Variants in EYA4 observed in about 807,000 individuals in gnomAD.
EYA4 encodes the protein protein phosphatase EYA4.
EYA4 carries 31 observed loss-of-function variants against 87.9 expected under a neutral mutation model. The ratio of observed to expected loss-of-function variants is 0.35; its 90% CI spans 0.27 to 0.48. The LOEUF (loss-of-function observed/expected upper bound fraction) is 0.48, where lower values mean the gene tolerates loss of function less well. Ranked by LOEUF, EYA4 falls within the 20% of genes least tolerant of loss-of-function variation. EYA4 has a pLI of 0.99. For missense variants in EYA4, 678 were observed against 761.4 expected (o/e 0.89, Z 1.29); for synonymous variants, 263 against 270.6 (o/e 0.97, Z 0.28).
At chr6:133,488,387 A>G (rs901782125) in intron 13 of EYA4, among the ~76,000 whole-genome samples, 1 of 152,152 alleles carries the variant, frequency 6.6e-6, no homozygotes, top group African/African-American at 2.4e-5. Context: ...TGCTGATTGT[A>G]GAGCCTTGAG....
chr6:133,329,806 G>T (rs1482286940), intron 2 of EYA4, among the ~76,000 whole-genome samples: 1 of 152,006 alleles, frequency 6.6e-6, no homozygotes, highest in Non-Finnish European at 1.5e-5. Context: ...AAATTGGCAT[G>T]GTACAAATCA....
At chr6:133,388,339 G>A (rs1185669194) in intron 3 of EYA4, among the ~76,000 whole-genome samples, 4 of 151,578 alleles carry the variant, frequency 2.6e-5, no homozygotes, top group African/African-American at 7.3e-5. Flanking sequence ...CCTGGGGGGC[G>A]GAGGTTGCAG....
chr6:133,425,643 T>C (rs1268394713), intron 3 of EYA4, among the ~76,000 whole-genome samples: 1 of 150,816 alleles, frequency 6.6e-6, no homozygotes, highest in Non-Finnish European at 1.5e-5. Flanking sequence ...TTCCAAGTTC[T>C]GGTTATTCTG....
intron 2 of EYA4, among the ~76,000 whole-genome samples, chr6:133,320,434 C>T (rs1442184596): frequency 6.6e-6 from 1 of 151,580 alleles, no homozygotes; most frequent in East Asian, 1.9e-4. Context: ...ATGCAATGTA[C>T]TTACTTATTT....
intron 13 of EYA4, among the ~76,000 whole-genome samples, chr6:133,499,790 A>T (rs556785004): frequency 1.3e-5 from 2 of 151,816 alleles, no homozygotes; most frequent in Non-Finnish European, 2.9e-5. Flanking sequence ...CTCATAAGCA[A>T]CTCTAGAGAA....
intron 1 of EYA4, among the ~76,000 whole-genome samples, chr6:133,243,623 G>A (rs117434049): frequency 0.014 from 2,122 of 149,094 alleles, 23 homozygotes; most frequent in Middle Eastern, 0.025. Context: ...TCCTTTCCCG[G>A]GTACGGTTTG....
At chr6:133,293,529 T>C (rs1778660445) in intron 2 of EYA4, among the ~76,000 whole-genome samples, 1 of 152,190 alleles carries the variant, frequency 6.6e-6, no homozygotes, top group South Asian at 2.1e-4. Flanking sequence ...TGAATTACCA[T>C]ATAACCTGTC....
intron 3 of EYA4, among the ~76,000 whole-genome samples, chr6:133,384,906 C>CA (rs200728876): frequency 0.01 from 1,580 of 151,612 alleles, 25 homozygotes; most frequent in African/African-American, 0.036. Context: ...TGTCAAAAAA[C>CA]AAAAAAAATG....
chr6:133,404,110 G>T (rs527666026), intron 3 of EYA4, among the ~76,000 whole-genome samples: 7 of 152,168 alleles, frequency 4.6e-5, no homozygotes, highest in African/African-American at 1.7e-4. Flanking sequence ...CACTGTGCCC[G>T]GCCTCCTGTC....
chr6:133,306,341 C>G (rs928349930), intron 2 of EYA4, among the ~76,000 whole-genome samples: 8 of 152,108 alleles, frequency 5.3e-5, no homozygotes, highest in African/African-American at 1.7e-4. Context: ...ACCTTATAGA[C>G]AGAGCTCTTC....
intron 3 of EYA4, 63 bp downstream of exon 3, chr6:133,382,504 A>T (rs777275429): frequency 1.9e-6 from 2 of 1,050,218 alleles, no homozygotes; most frequent in Non-Finnish European, 3.0e-6. Flanking sequence ...CACTAGTAAG[A>T]TGTTATACCT....
intron 3 of EYA4, among the ~76,000 whole-genome samples, chr6:133,406,129 A>G (rs1788687986): frequency 6.6e-6 from 1 of 152,054 alleles, no homozygotes; most frequent in African/African-American, 2.4e-5. Context: ...TCATATTTTT[A>G]TTTACTAATT....
intron 2 of EYA4, among the ~76,000 whole-genome samples, chr6:133,297,947 G>A (rs893117293): frequency 9.9e-5 from 15 of 152,048 alleles, no homozygotes; most frequent in Non-Finnish European, 1.6e-4. Flanking sequence ...ACTAATGATT[G>A]TTGCCTGAAT....
chr6:133,342,719 A>G (rs1303393393), intron 2 of EYA4, among the ~76,000 whole-genome samples: 1 of 151,520 alleles, frequency 6.6e-6, no homozygotes, highest in East Asian at 1.9e-4. Flanking sequence ...ATTAACAGGT[A>G]TTGACAAAGA....
chr6:133,413,173 A>G (rs1026980442), intron 3 of EYA4, among the ~76,000 whole-genome samples: 1 of 151,164 alleles, frequency 6.6e-6, no homozygotes, highest in African/African-American at 2.5e-5. Context: ...CTGCCTGGAA[A>G]TTATTCTGTT....
chr6:133,445,025 CT>C (rs1792673428), intron 3 of EYA4, among the ~76,000 whole-genome samples: 1 of 151,992 alleles, frequency 6.6e-6, no homozygotes, highest in South Asian at 2.1e-4. Context: ...GTTTGCTTCC[CT>C]TTTTTTGGCT....
chr6:133,477,169 T>C (rs1352954067), intron 11 of EYA4, among the ~76,000 whole-genome samples: 1 of 152,046 alleles, frequency 6.6e-6, no homozygotes, highest in East Asian at 1.9e-4. Flanking sequence ...AATTACCCAG[T>C]CTCGAGTAGT....
chr6:133,332,064 T>G (rs401913), intron 2 of EYA4, among the ~76,000 whole-genome samples: 66,612 of 151,562 alleles, frequency 0.44, 15,209 homozygotes, highest in Non-Finnish European at 0.52. Flanking sequence ...ACTCAACAGT[T>G]TCCCGGAAGT....
At chr6:133,468,350 C>T (rs1330433468) in intron 10 of EYA4, among the ~76,000 whole-genome samples, 1 of 151,918 alleles carries the variant, frequency 6.6e-6, no homozygotes, top group South Asian at 2.1e-4. Context: ...TGTACTGGAC[C>T]TGGTTTGCCA....
Sources: allele counts gnomAD v4.1 joint callset (sites outside exome capture counted in the v4.1 genomes callset), GRCh38; gene constraint gnomAD v4.1.1; transcripts MANE v1.5; gene names NCBI Gene and HGNC (gene_info 2026-07-23, HGNC 2026-07-21).